CACNA1C: variants seen among roughly 807,000 people sequenced by gnomAD.
CACNA1C encodes the protein voltage-dependent L-type calcium channel subunit alpha-1C.
A neutral mutation model predicts 229.0 loss-of-function variants in CACNA1C; 30 were observed. The observed-to-expected ratio is 0.13, with a 90% CI of 0.10 to 0.18. The LOEUF is 0.18. Ranked by LOEUF, CACNA1C falls within the 10% of genes least tolerant of loss-of-function variation. The pLI is 1.00. For synonymous variants in CACNA1C, 1,114 were observed against 1,132.5 expected, an observed-to-expected ratio of 0.98 and a Z score of 0.33; for missense variants, 1,658 against 2,845.0, an observed-to-expected ratio of 0.58 and a Z score of 9.49.
At chr12:2,244,578 G>A (rs1198584181) in intron 3 of CACNA1C, among the ~76,000 whole-genome samples, 1 of 152,238 alleles carries the variant, frequency 6.6e-6, no homozygotes, top group East Asian at 1.9e-4. Flanking sequence ...TCTGTGTTTA[G>A]AGAGAAGGGA....
At chr12:2,434,138 C>T (rs944403406) in intron 3 of CACNA1C, among the ~76,000 whole-genome samples, 2 of 152,198 alleles carry the variant, frequency 1.3e-5, no homozygotes, top group Non-Finnish European at 2.9e-5. Flanking sequence ...GTTCCCCTCA[C>T]TTCACACTGT....
intron 3 of CACNA1C, among the ~76,000 whole-genome samples, chr12:2,428,158 G>A (rs2099050773): frequency 6.6e-6 from 1 of 152,182 alleles, no homozygotes; most frequent in East Asian, 1.9e-4. Flanking sequence ...ACTTACAGAA[G>A]CAAGCCCCAA....
At chr12:2,394,803 C>G (rs1172006460) in intron 3 of CACNA1C, among the ~76,000 whole-genome samples, 1 of 152,134 alleles carries the variant, frequency 6.6e-6, no homozygotes, top group Non-Finnish European at 1.5e-5. Flanking sequence ...TAGTACCAAC[C>G]CAGTGAGTCT....
chr12:2,080,604 A>G (rs2065183675), intron 1 of CACNA1C, among the ~76,000 whole-genome samples: 1 of 120,744 alleles, frequency 8.3e-6, no homozygotes, highest in African/African-American at 3.3e-5. Context: ...CTGTCTCAAA[A>G]AAAAAAACAA....
At chr12:2,325,786 T>G (rs575777471) in intron 3 of CACNA1C, among the ~76,000 whole-genome samples, 1 of 152,232 alleles carries the variant, frequency 6.6e-6, no homozygotes, top group Non-Finnish European at 1.5e-5. Flanking sequence ...AAGGTGGTGG[T>G]GTTCTGTACC....
intron 3 of CACNA1C, among the ~76,000 whole-genome samples, chr12:2,420,670 C>T (rs762982182): frequency 3.3e-5 from 5 of 152,220 alleles, no homozygotes; most frequent in Non-Finnish European, 5.9e-5. Flanking sequence ...AACTCAGAGA[C>T]GTTTGGAATG....
At chr12:2,155,288 C>G (rs543142791) in intron 3 of CACNA1C, among the ~76,000 whole-genome samples, 2 of 151,990 alleles carry the variant, frequency 1.3e-5, no homozygotes, top group African/African-American at 4.8e-5. Flanking sequence ...TTCAGGGTCC[C>G]GGAGATCATG....
intron 1 of CACNA1C, among the ~76,000 whole-genome samples, chr12:2,056,836 A>C (rs1357950266): frequency 6.6e-6 from 1 of 152,172 alleles, no homozygotes; most frequent in Non-Finnish European, 1.5e-5. Flanking sequence ...AAAAGAGTCA[A>C]TTTTTCATTA....
intron 1 of CACNA1C, among the ~76,000 whole-genome samples, chr12:2,063,178 A>G (rs2058132268): frequency 1.4e-5 from 2 of 144,784 alleles, no homozygotes; most frequent in Admixed American, 1.4e-4. Flanking sequence ...CCTGAGGTGT[A>G]GTCTCGCTCT....
At chr12:2,662,015 G>A (rs2095770998) in intron 34 of CACNA1C, among the ~76,000 whole-genome samples, 2 of 152,174 alleles carry the variant, frequency 1.3e-5, no homozygotes, top group African/African-American at 2.4e-5. Context: ...GGCCAAGGCG[G>A]GTGGATCACG....
intron 1 of CACNA1C, among the ~76,000 whole-genome samples, chr12:2,023,268 C>T (rs924192969): frequency 1.3e-5 from 2 of 152,102 alleles, no homozygotes; most frequent in African/African-American, 4.8e-5. Flanking sequence ...GTCTTACTGC[C>T]CTGGACAGCC....
chr12:2,156,082 T>C (rs1196525915), intron 3 of CACNA1C, among the ~76,000 whole-genome samples: 1 of 152,136 alleles, frequency 6.6e-6, no homozygotes, highest in Non-Finnish European at 1.5e-5. Context: ...AAGGGGTGTG[T>C]TCAGCAGGAC....
intron 1 of CACNA1C, among the ~76,000 whole-genome samples, chr12:1,984,566 C>CTCCTT (rs2037097784): frequency 1.3e-5 from 2 of 151,936 alleles, no homozygotes; most frequent in South Asian, 4.2e-4. Flanking sequence ...TACACTGAAC[C>CTCCTT]TCCTTCCTGA....
intron 3 of CACNA1C, among the ~76,000 whole-genome samples, chr12:2,267,631 G>A (rs2082884738): frequency 6.6e-6 from 1 of 152,222 alleles, no homozygotes; most frequent in South Asian, 2.1e-4. Flanking sequence ...CAGCCAGAGA[G>A]AGTTCAGGTA....
chr12:2,649,991 C>T lies in CACNA1C; in HGVS notation c.3945+1484C>T, dbSNP rs966619707. On this transcript the variant is annotated intron_variant, in intron 31 of 46. Coordinates refer to ENST00000399655, the MANE Select transcript of CACNA1C (RefSeq NM_000719.7). This position sits in a 1 kb window ranked among gnomAD's most constrained non-coding sequence, Gnocchi z 4.4. ...CAGAACACACAGGCAGGGAAGAGCCCAGGGCAGGACAGGGCTGCTGCCTGC... is the reference window on the plus strand; with the variant it reads ...CAGAACACACAGGCAGGGAAGAGCCTAGGGCAGGACAGGGCTGCTGCCTGC... 3.3e-5 allele frequency among the ~76,000 whole-genome samples: 5 copies of T among 152,098 alleles called. No homozygotes were observed. The highest frequency in any genetic ancestry group is 1.2e-4 in the African/African-American group (5 of 41,410).
At chr12:2,097,548 A>G (rs892951982) in intron 1 of CACNA1C, among the ~76,000 whole-genome samples, 7 of 152,078 alleles carry the variant, frequency 4.6e-5, no homozygotes, top group Admixed American at 1.3e-4. Context: ...TTTCCACATG[A>G]TTGCCAATAC....
At chr12:2,123,375 C>CAAAA (rs397761587) in intron 3 of CACNA1C, among the ~76,000 whole-genome samples, 12 of 72,942 alleles carry the variant, frequency 1.6e-4, no homozygotes, top group African/African-American at 4.4e-4. Flanking sequence ...GACTCCATCT[C>CAAAA]AAAAAAAAAA....
intron 3 of CACNA1C, among the ~76,000 whole-genome samples, chr12:2,194,206 T>C (rs201423713): frequency 7.2e-4 from 51 of 70,972 alleles, no homozygotes; most frequent in Non-Finnish European, 1.8e-3. Flanking sequence ...TGCTCCCCCC[T>C]GTGTTCCTCC....
intron 10 of CACNA1C, among the ~76,000 whole-genome samples, chr12:2,554,085 A>G (rs2042779975): frequency 2.0e-5 from 3 of 152,158 alleles, no homozygotes; most frequent in Non-Finnish European, 4.4e-5. Context: ...AACATATGGC[A>G]CTCTTTCCTC....
Sources: allele counts gnomAD v4.1 joint callset (sites outside exome capture counted in the v4.1 genomes callset), GRCh38; gene constraint gnomAD v4.1.1; non-coding constraint Gnocchi (gnomAD v3.1); transcripts MANE v1.5; gene names NCBI Gene and HGNC (gene_info 2026-07-23, HGNC 2026-07-21).